The following KLF12 variants were observed in gnomAD, a reference collection of about 807,000 sequenced individuals.
The protein encoded by KLF12 is Krueppel-like factor 12.
Under a neutral mutation model 37.8 loss-of-function variants are expected in KLF12, and 9 were observed. That is an observed-to-expected ratio of 0.24 (90% CI 0.14 to 0.42). The LOEUF is 0.42. Among genes scored for constraint, KLF12 ranks in the 10% least tolerant of loss-of-function variants. The pLI, the probability that KLF12 is intolerant of heterozygous loss-of-function variation, is 1.00. For missense variants in KLF12, 411 were observed against 516.0 expected (o/e 0.80, Z 1.97); for synonymous variants, 208 against 202.1 (o/e 1.03, Z -0.25).
chr13:73,796,704 C>T (rs994828200), intron 5 of KLF12, among the ~76,000 whole-genome samples: 41 of 152,258 alleles, frequency 2.7e-4, no homozygotes, highest in African/African-American at 9.6e-4. Flanking sequence ...AGCTAGCAAT[C>T]CCCTTCTTCA....
intron 6 of KLF12, among the ~76,000 whole-genome samples, chr13:73,720,189 T>A (rs747299375): frequency 6.6e-6 from 1 of 152,108 alleles, no homozygotes; most frequent in African/African-American, 2.4e-5. Context: ...TCTTGCCCCA[T>A]CTCACTCGAG....
intron 1 of KLF12, among the ~76,000 whole-genome samples, chr13:74,040,225 A>T (rs1168993868): frequency 2.0e-5 from 3 of 152,194 alleles, no homozygotes; most frequent in African/African-American, 7.2e-5. Context: ...CTTCATTTAT[A>T]TTTTTTTAGT....
chr13:73,957,619 C>T (rs1324563193), intron 2 of KLF12, among the ~76,000 whole-genome samples: 1 of 152,168 alleles, frequency 6.6e-6, no homozygotes. Context: ...TGGATAAGAT[C>T]TTTAGATTTT....
chr13:74,103,145 C>T (rs149666433), intron 1 of KLF12, among the ~76,000 whole-genome samples: 1 of 152,326 alleles, frequency 6.6e-6, no homozygotes, highest in East Asian at 1.9e-4. Flanking sequence ...GAAACGTGTG[C>T]TGCTCACACA....
intron 6 of KLF12, among the ~76,000 whole-genome samples, chr13:73,725,290 G>A (rs1310198383): frequency 1.3e-5 from 2 of 151,884 alleles, no homozygotes; most frequent in Non-Finnish European, 2.9e-5. Context: ...TAGTAGAGAC[G>A]GGGGTTTCAC....
chr13:73,811,473 G>A (rs949341309), intron 5 of KLF12, among the ~76,000 whole-genome samples: 3 of 151,820 alleles, frequency 2.0e-5, no homozygotes, highest in Non-Finnish European at 2.9e-5. Context: ...ATATTTCCTC[G>A]TGGTTATAAA....
At chr13:73,712,543 C>G (rs1875484704) in intron 7 of KLF12, among the ~76,000 whole-genome samples, 1 of 152,104 alleles carries the variant, frequency 6.6e-6, no homozygotes, top group Admixed American at 6.5e-5. Flanking sequence ...ATTTTATAAA[C>G]TTAGTTGATA....
At chr13:73,925,664 A>G (rs911733357) in intron 3 of KLF12, among the ~76,000 whole-genome samples, 3 of 152,186 alleles carry the variant, frequency 2.0e-5, no homozygotes, top group African/African-American at 7.2e-5. Context: ...TATTTCATAC[A>G]GTTATAGCTG....
chr13:74,066,174 T>C (rs980431001), intron 1 of KLF12, among the ~76,000 whole-genome samples: 16 of 152,238 alleles, frequency 1.1e-4, no homozygotes, highest in Admixed American at 3.3e-4. Flanking sequence ...AGAGGAAATA[T>C]GGAACCCAAC....
intron 1 of KLF12, among the ~76,000 whole-genome samples, chr13:74,092,295 T>TAAAAAAA (rs1593892999): frequency 2.9e-5 from 2 of 68,400 alleles, no homozygotes; most frequent in African/African-American, 1.1e-4. Context: ...AGACTCCGTC[T>TAAAAAAA]CAAAAAAAAA....
At chr13:73,975,601 T>G (rs905451295) in intron 2 of KLF12, among the ~76,000 whole-genome samples, 15 of 152,174 alleles carry the variant, frequency 9.9e-5, no homozygotes, top group Non-Finnish European at 1.6e-4. Context: ...AATCTCATCA[T>G]CTCCATTTCT....
intron 1 of KLF12, among the ~76,000 whole-genome samples, chr13:74,042,151 A>G (rs1893420675): frequency 6.6e-6 from 1 of 152,008 alleles, no homozygotes; most frequent in African/African-American, 2.4e-5. Context: ...TAAAAATACA[A>G]AAGTTAGCTG....
intron 3 of KLF12, among the ~76,000 whole-genome samples, chr13:73,931,280 A>G (rs768644909): frequency 5.9e-5 from 9 of 152,220 alleles, no homozygotes; most frequent in Non-Finnish European, 1.3e-4. Context: ...TATGCTAAGT[A>G]TTATGTATAC....
intron 1 of KLF12, among the ~76,000 whole-genome samples, chr13:74,034,079 T>C (rs183945496): frequency 5.9e-5 from 9 of 152,200 alleles, no homozygotes; most frequent in Non-Finnish European, 8.8e-5. Flanking sequence ...TTTTTGTTTT[T>C]TGAGACAGAG....
intron 5 of KLF12, chr13:73,801,724 C>T (rs956217647): frequency 2.0e-5 from 3 of 152,010 alleles, no homozygotes; most frequent in African/African-American, 4.8e-5. Flanking sequence ...TGTATGACCA[C>T]ATTAAATACC....
intron 3 of KLF12, among the ~76,000 whole-genome samples, chr13:73,868,711 T>C (rs77444447): frequency 6.6e-6 from 1 of 152,266 alleles, no homozygotes; most frequent in East Asian, 1.9e-4. Context: ...AAGATTGTTA[T>C]AAAAAGGTTT....
the KLF12 span, chr13:74,259,471 A>G: frequency 6.6e-6 from 1 of 152,128 alleles, no homozygotes; most frequent in Non-Finnish European, 1.5e-5. Context: ...TCCACTTGGA[A>G]TCTGTTCCTC....
intron 5 of KLF12, among the ~76,000 whole-genome samples, chr13:73,784,216 C>T (rs559492649): frequency 2.6e-5 from 4 of 152,254 alleles, no homozygotes; most frequent in Admixed American, 6.5e-5. Flanking sequence ...TCTTATGCAT[C>T]GCTTTCTTTT....
intron 5 of KLF12, among the ~76,000 whole-genome samples, chr13:73,785,173 T>C (rs1328100197): frequency 6.6e-6 from 1 of 151,732 alleles, no homozygotes; most frequent in Non-Finnish European, 1.5e-5. Context: ...TGGAGTACAG[T>C]GGCACAATCA....
Sources: gnomAD v4.1 joint callset for allele counts (sites outside exome capture counted in the v4.1 genomes callset) on GRCh38, gnomAD v4.1.1 for gene constraint, MANE v1.5 for transcripts, NCBI Gene and HGNC (gene_info 2026-07-23, HGNC 2026-07-21) for gene names.